The following NCS1 variants were observed in gnomAD, a reference collection of about 807,000 sequenced individuals.
NCS1 encodes frequenin homolog.
Under a neutral mutation model 28.4 loss-of-function variants are expected in NCS1, and 6 were observed. That is an observed-to-expected ratio of 0.21 (90% CI 0.12 to 0.42). NCS1 has a LOEUF of 0.42. Among genes scored for constraint, NCS1 ranks in the 10% least tolerant of loss-of-function variants. NCS1 has a pLI of 1.00. For missense variants in NCS1, 131 were observed against 241.4 expected (o/e 0.54, Z 3.03); for synonymous variants, 86 against 99.3 (o/e 0.87, Z 0.79).
chr9:130,176,677 G>C (rs140448035), intron 1 of NCS1, among the ~76,000 whole-genome samples: 1 of 152,206 alleles, frequency 6.6e-6, no homozygotes, highest in Non-Finnish European at 1.5e-5. Context: ...CTGCTCTTAC[G>C]TGTAGCGGCC....
At chr9:130,188,923 GC>G (rs1832777248) in intron 1 of NCS1, among the ~76,000 whole-genome samples, 1 of 151,580 alleles carries the variant, frequency 6.6e-6, no homozygotes, top group Non-Finnish European at 1.5e-5. Context: ...TGCCATGTTG[GC>G]CAGGCTGGTC....
At chr9:130,182,913 G>T (rs1265953824) in intron 1 of NCS1, among the ~76,000 whole-genome samples, 1 of 152,242 alleles carries the variant, frequency 6.6e-6, no homozygotes, top group Non-Finnish European at 1.5e-5. Flanking sequence ...CACAGGTGCA[G>T]TGTGGGTTTT....
At chr9:130,203,980 A>T (rs182136506) in intron 2 of NCS1, among the ~76,000 whole-genome samples, 2,005 of 152,102 alleles carry the variant, frequency 0.013, 17 homozygotes, top group Non-Finnish European at 0.022. Flanking sequence ...TTTAATTTTT[A>T]TTTAAAAAAT....
rs1554907421 is a variant in NCS1, at chr9:130,200,974, C to T, written c.81C>T (p.Val27=). The T allele has an allele frequency of 1.9e-6, 3 of 1,614,184 alleles. No homozygotes were observed. Among genetic ancestry groups the T allele is most frequent in the Admixed American group, 3.3e-5 (2 of 60,028 alleles). Reference sequence around the variant, plus strand: ...CTCTTGCAGTTACCGAGAAGGAGGTCCAGCAGTGGTGAGTAGCTGCTTTTT... The same window carrying T: ...CTCTTGCAGTTACCGAGAAGGAGGTTCAGCAGTGGTGAGTAGCTGCTTTTT... The part of the protein sequence containing the change: ...TRKTYFTEKE[V]QQWYKGFIKD... The change falls in exon 2 of 8, where the codon GTC becomes GTT. Residue 27 remains valine, a synonymous_variant. Transcript: ENST00000372398.
At chr9:130,222,778 G>A (rs781968160) in intron 5 of NCS1, 40 bp downstream of exon 5, 30 of 1,590,494 alleles carry the variant, frequency 1.9e-5, no homozygotes, top group Non-Finnish European at 2.5e-5. Flanking sequence ...GTGGCAGGAG[G>A]GGCAAAGCCA....
rs1272303734 is a variant in NCS1 at position 130,236,319 on chromosome 9, G to GCGCC, written c.*3349_*3352dup. On this transcript the variant is annotated 3_prime_UTR_variant, in exon 8 of 8. Coordinates refer to ENST00000372398, the MANE Select transcript of NCS1 (RefSeq NM_014286.4). ...TTTAAGGGAGCTAAGGAAGCGCGGC[G>GCGCC]CGCCCCCTGGTGGTGGTAAGCCGCC... 2.6e-5 allele frequency: 4 copies of GCGCC among 152,118 alleles called. No homozygotes were observed. The highest frequency in any genetic ancestry group is 9.7e-5 in the African/African-American group (4 of 41,422). The allele number at this position is 152,118 out of a possible 1,614,324, so 9.4% of individuals were successfully genotyped here. A position where few individuals can be genotyped will look rare whatever the true frequency, so the allele number is the denominator to read the frequency against.
chr9:130,188,270 C>T (rs575632793), intron 1 of NCS1, among the ~76,000 whole-genome samples: 2 of 152,362 alleles, frequency 1.3e-5, no homozygotes, highest in African/African-American at 4.8e-5. Flanking sequence ...TGGATGGCCT[C>T]TGAGGCTTGG....
intron 7 of NCS1, among the ~76,000 whole-genome samples, chr9:130,229,781 G>A (rs529283033): frequency 1.3e-5 from 2 of 152,212 alleles, no homozygotes; most frequent in South Asian, 2.1e-4. Flanking sequence ...TTGTGCCTAC[G>A]CGGTAGTGAT....
At position 130,219,838 on chromosome 9, in the gene NCS1, G is replaced by A. The variant is rs373832525; in HGVS notation, c.307+35G>A. On this transcript the variant is annotated intron_variant, in intron 4 of 7. Transcript: ENST00000372398. This position sits in a 1 kb window ranked among gnomAD's most constrained non-coding sequence, Gnocchi z 5.7. Reference sequence around the variant, plus strand: ...GCCCCCTTGGCCCTGTGTGGCAGCAGCTGGAGGGCCCAGGTCAGAGGGAGG... The same window carrying A: ...GCCCCCTTGGCCCTGTGTGGCAGCAACTGGAGGGCCCAGGTCAGAGGGAGG... 6.8e-6 allele frequency: 11 copies of A among 1,607,178 alleles called. No individual in the cohort carries two copies. The Admixed American group carries it at 8.3e-5, about 12-fold the overall frequency.
intron 6 of NCS1, among the ~76,000 whole-genome samples, chr9:130,223,789 T>C (rs1054000449): frequency 3.3e-5 from 5 of 152,154 alleles, no homozygotes; most frequent in East Asian, 1.9e-4. Context: ...TGATTTTTTT[T>C]CCCCCAAGTT....
At chr9:130,202,050 G>T (rs1160427872) in intron 2 of NCS1, among the ~76,000 whole-genome samples, 2 of 152,044 alleles carry the variant, frequency 1.3e-5, no homozygotes, top group Non-Finnish European at 2.9e-5. Context: ...CTTCACACAC[G>T]CCAGCCAGAG....
chr9:130,219,703 A>G lies in NCS1; in HGVS notation c.229-22A>G. On this transcript the variant is annotated intron_variant, in intron 3 of 7. Coordinates refer to ENST00000372398, the MANE Select transcript of NCS1 (RefSeq NM_014286.4). The surrounding 1 kb of genome is among the most constrained non-coding windows in gnomAD (Gnocchi z 5.7). ...TGGCCTGGCCGGCACTGACTGAGGC[A>G]ATCCCCTCTCTCTCCTGTCAGGACG... 1 of 1,613,540 alleles carries G rather than the reference A, an allele frequency of 6.2e-7. No individual in the cohort carries two copies. The highest frequency in any genetic ancestry group is 8.5e-7 in the Non-Finnish European group (1 of 1,179,470).
At chr9:130,201,279 G>A (rs967445472) in intron 2 of NCS1, among the ~76,000 whole-genome samples, 1 of 152,230 alleles carries the variant, frequency 6.6e-6, no homozygotes, top group Admixed American at 6.5e-5. Context: ...TCACCAAAGA[G>A]AAGGGTTTGG....
At chr9:130,204,414 G>A (rs1266931902) in intron 2 of NCS1, among the ~76,000 whole-genome samples, 2 of 152,106 alleles carry the variant, frequency 1.3e-5, no homozygotes, top group African/African-American at 4.8e-5. Flanking sequence ...TCAGCCTCCT[G>A]ATTAGCTGGG....
intron 1 of NCS1, among the ~76,000 whole-genome samples, chr9:130,195,235 G>GGGCTGGC (rs1462970078): frequency 1.3e-5 from 2 of 152,158 alleles, no homozygotes; most frequent in African/African-American, 4.8e-5. Context: ...AGTGCTTGCT[G>GGGCTGGC]GGCTGGCCAA....
rs1170573138 is a variant in NCS1, at chr9:130,232,783, CT to C, written c.*18-206del. Among the ~76,000 whole-genome samples, 1 of 151,216 alleles carries C rather than the reference CT, an allele frequency of 6.6e-6. No homozygotes were observed. The highest frequency in any genetic ancestry group is 1.5e-5 in the Non-Finnish European group (1 of 67,832). ...CCCAGGTGACAGAGCAAGACTCCAACTCAAAAAAAAGCAAACAAAAAAAAAC... is the reference window on the plus strand; with the variant it reads ...CCCAGGTGACAGAGCAAGACTCCAACCAAAAAAAAGCAAACAAAAAAAAAC... On this transcript the variant is annotated intron_variant, in intron 7 of 7. Transcript: ENST00000372398. This position sits in a 1 kb window ranked among gnomAD's most constrained non-coding sequence, Gnocchi z 4.4.
At chr9:130,217,751 G>A in intron 2 of NCS1, 81 bp from the exon 3 acceptor site, 1 of 1,601,060 alleles carries the variant, frequency 6.2e-7, no homozygotes, top group Non-Finnish European at 8.5e-7. Flanking sequence ...GCTTTCCTGG[G>A]CCCCGGGCAG....
intron 1 of NCS1, among the ~76,000 whole-genome samples, chr9:130,189,570 G>A (rs1382782725): frequency 1.3e-5 from 2 of 152,118 alleles, no homozygotes; most frequent in African/African-American, 4.8e-5. Context: ...GGCCAGCCAC[G>A]GTGGCTCACG....
chr9:130,216,385 G>A (rs994005295), intron 2 of NCS1, among the ~76,000 whole-genome samples: 2 of 152,168 alleles, frequency 1.3e-5, no homozygotes, highest in African/African-American at 4.8e-5. Context: ...ACTTGCAAAT[G>A]TCTTCCTCTC....
Sources: gnomAD v4.1 joint callset for allele counts (sites outside exome capture counted in the v4.1 genomes callset) on GRCh38, gnomAD v4.1.1 for gene constraint, Gnocchi (gnomAD v3.1) non-coding constraint, MANE v1.5 for transcripts, NCBI Gene and HGNC (gene_info 2026-07-23, HGNC 2026-07-21) for gene names.